Variants in NUP88 observed in about 807,000 individuals in gnomAD.
The protein encoded by NUP88 is nucleoporin 88, also known as nuclear pore complex protein Nup88.
In NUP88, 57 loss-of-function variants were observed where a neutral mutation model predicts 93.9. The ratio of observed to expected loss-of-function variants is 0.61; its 90% CI spans 0.49 to 0.76. NUP88 has a LOEUF of 0.76. NUP88 is among the 30% of genes least tolerant of loss of function. NUP88 has a pLI of 0.00. For missense variants in NUP88, 911 were observed against 901.0 expected, an observed-to-expected ratio of 1.01 and a Z score of -0.14; for synonymous variants, 346 against 336.8, an observed-to-expected ratio of 1.03 and a Z score of -0.30.
At chr17:5,386,609 A>G (rs1911999461) in intron 16 of NUP88, 99 bp downstream of exon 16, 1 of 836,676 alleles carries the variant, frequency 1.2e-6, no homozygotes, top group Non-Finnish European at 2.0e-6. Context: ...TTGACATGCA[A>G]ATACCAAGAT....
At position 5,385,929 on chromosome 17, in the gene NUP88, A is replaced by AAACTC. The variant is rs1468946372; in HGVS notation, c.*272_*276dup. On this transcript the variant is annotated 3_prime_UTR_variant, in exon 17 of 17. Transcript: ENST00000573584. Reference sequence around the variant, plus strand: ...TAACTAACTTGCTCAAATATGGAGAAAACTCAATAGGGTTCAGGGAGGTTC... The same window carrying AAACTC: ...TAACTAACTTGCTCAAATATGGAGAAAACTCAACTCAATAGGGTTCAGGGAGGTTC... The AAACTC allele has an allele frequency of 2.7e-6, 1 of 367,416 alleles. No individual in the cohort carries two copies. The highest frequency in any genetic ancestry group is 4.8e-6 in the Non-Finnish European group (1 of 206,944). The allele number at this position is 367,416 out of a possible 1,614,324, so 22.8% of individuals were successfully genotyped here.
At position 5,386,236 on chromosome 17, in the gene NUP88, G is replaced by C. The variant is rs1567562321; in HGVS notation, c.2196C>G (p.Ile732Met). 2 of 1,613,334 alleles carry C rather than the reference G, an allele frequency of 1.2e-6. No individual in the cohort carries two copies. Among genetic ancestry groups the C allele is most frequent in the Non-Finnish European group, 8.5e-7 (1 of 1,179,696 alleles). Residue 732 changes from isoleucine (I) to methionine (M), a missense_variant, in exon 17 of 17, where the codon ATC becomes ATG. Transcript: ENST00000573584. The stretch of plus-strand genomic sequence containing the variant: ...AGTTTACATGATTGCGGATATCATT[G>C]ATTTGCTTCACCATTTCCCTTATAT... ...GEHIREMVKQINDIRNHVNF is the reference protein window; with the variant it reads ...GEHIREMVKQMNDIRNHVNF
chr17:5,413,079 G>A (rs1402323736), intron 3 of NUP88, among the ~76,000 whole-genome samples: 2 of 152,240 alleles, frequency 1.3e-5, no homozygotes, highest in Non-Finnish European at 2.9e-5. Context: ...CACCCAGGCT[G>A]CAATCTTCCT....
intron 8 of NUP88, among the ~76,000 whole-genome samples, chr17:5,396,784 A>T (rs1025887421): frequency 6.6e-6 from 1 of 152,186 alleles, no homozygotes; most frequent in Non-Finnish European, 1.5e-5. Flanking sequence ...CCACATCCTC[A>T]ACACTTGTTA....
intron 2 of NUP88, among the ~76,000 whole-genome samples, chr17:5,415,724 G>C (rs1914095701): frequency 6.6e-6 from 1 of 152,122 alleles, no homozygotes; most frequent in Non-Finnish European, 1.5e-5. Context: ...TGTGTTGTCA[G>C]CAATAAATCC....
intron 7 of NUP88, among the ~76,000 whole-genome samples, chr17:5,401,789 A>G (rs1306745170): frequency 6.6e-6 from 1 of 152,260 alleles, no homozygotes; most frequent in Non-Finnish European, 1.5e-5. Context: ...TAGTGCTAAC[A>G]TCAACAGAAA....
intron 8 of NUP88, among the ~76,000 whole-genome samples, chr17:5,399,190 CTTT>C (rs536801907): frequency 0.32 from 39,190 of 123,110 alleles, 6,463 homozygotes; most frequent in East Asian, 0.59. Context: ...CGCACCCGGC[CTTT>C]TTTTTTTTTT....
chr17:5,387,306 A>G, intron 14 of NUP88, 80 bp downstream of exon 14: 1 of 1,337,200 alleles, frequency 7.5e-7, no homozygotes, highest in Non-Finnish European at 1.1e-6. Flanking sequence ...GTAGGTATGT[A>G]AGCACCTGCC....
intron 10 of NUP88, among the ~76,000 whole-genome samples, chr17:5,389,168 T>C (rs1912250337): frequency 6.6e-6 from 1 of 152,216 alleles, no homozygotes; most frequent in Non-Finnish European, 1.5e-5. Context: ...TGTGAAAGCA[T>C]TTCTGACTGC....
intron 5 of NUP88, among the ~76,000 whole-genome samples, chr17:5,407,846 C>A (rs569030128): frequency 1.3e-5 from 2 of 152,224 alleles, no homozygotes; most frequent in African/African-American, 4.8e-5. Flanking sequence ...TCCCTCTGTT[C>A]TATTACCACC....
intron 7 of NUP88, among the ~76,000 whole-genome samples, chr17:5,401,501 TTAATC>T (rs1444352996): frequency 1.3e-5 from 2 of 152,232 alleles, no homozygotes; most frequent in African/African-American, 2.4e-5. Flanking sequence ...AAATTTTCCT[TTAATC>T]TAACAGTCTC....
chr17:5,386,878 A>G, intron 15 of NUP88, 52 bp from the exon 16 acceptor site: 1 of 1,585,150 alleles, frequency 6.3e-7, no homozygotes. Context: ...ACACATTTTC[A>G]CAGTATCTAT....
At chr17:5,413,693 T>G (rs1241455405) in intron 3 of NUP88, among the ~76,000 whole-genome samples, 9 of 152,220 alleles carry the variant, frequency 5.9e-5, no homozygotes. Flanking sequence ...TCTCTAAATT[T>G]ACACTTACAT....
rs940484196 is a variant in NUP88, at chr17:5,419,510, CAACGACGAAGAA to C, written c.129_140del (p.Ser44_Leu47del). The C allele has an allele frequency of 6.2e-7, 1 of 1,613,918 alleles. No homozygotes were observed. Among genetic ancestry groups the C allele is most frequent in the Non-Finnish European group, 8.5e-7 (1 of 1,179,912 alleles). The stretch of plus-strand genomic sequence containing the variant: ...GCAACTGCGGCGGCGGCGACGAAGG[CAACGACGAAGAA>C]GCTGGTTTCTCAGCTTCGGTTGGAC... On this transcript the variant is annotated inframe_deletion, in exon 1 of 17. Transcript: ENST00000573584.
chr17:5,398,672 C>A (rs1221717700), intron 8 of NUP88, among the ~76,000 whole-genome samples: 2 of 150,638 alleles, frequency 1.3e-5, no homozygotes, highest in African/African-American at 4.9e-5. Flanking sequence ...CTCACTGCAA[C>A]CTCCATCCCT....
chr17:5,398,126 T>G (rs1007661117), intron 8 of NUP88, among the ~76,000 whole-genome samples: 3 of 130,294 alleles, frequency 2.3e-5, no homozygotes, highest in Non-Finnish European at 4.9e-5. Context: ...TTGACCAGGT[T>G]GGTCTTGAAG....
chr17:5,388,011 A>C (rs1337159574), intron 11 of NUP88, 107 bp from the exon 12 acceptor site: 4 of 1,177,468 alleles, frequency 3.4e-6, no homozygotes, highest in Non-Finnish European at 4.6e-6. Context: ...TTTTTAATTT[A>C]TTTATTTGAG....
Position 5,414,089 on chromosome 17 carries a change from C to A in NUP88, c.513G>T (p.Leu171=). ...GATACCATGCAGCATGCTTTAGAGT[C>A]AGAGAGGTGGAACTGGTGAAAAATC... ...AERFFTSSTS[L]TLKHAAWYPS... Residue 171 remains leucine (L), a synonymous_variant, in exon 3 of 17, where the codon CTG becomes CTT. Coordinates refer to ENST00000573584, the MANE Select transcript of NUP88 (RefSeq NM_002532.6). The A allele has an allele frequency of 6.2e-7, 1 of 1,613,760 alleles. No homozygotes were observed. Among genetic ancestry groups the A allele is most frequent in the South Asian group, 1.1e-5 (1 of 91,064 alleles).
chr17:5,419,249 C>G, intron 1 of NUP88, 105 bp downstream of exon 1: 2 of 1,317,166 alleles, frequency 1.5e-6, no homozygotes, highest in African/African-American at 3.0e-5. Flanking sequence ...AGTCAATCCG[C>G]TGGAACGCCT....
Sources: gnomAD v4.1 joint callset for allele counts (sites outside exome capture counted in the v4.1 genomes callset) on GRCh38, gnomAD v4.1.1 for gene constraint, MANE v1.5 for transcripts, NCBI Gene and HGNC (gene_info 2026-07-23, HGNC 2026-07-21) for gene names.